ZFAND3: variants seen among roughly 807,000 people sequenced by gnomAD.
ZFAND3 encodes AN1-type zinc finger protein 3.
Under a neutral mutation model 29.6 loss-of-function variants are expected in ZFAND3, and 10 were observed. The observed-to-expected ratio is 0.34, with a 90% CI of 0.21 to 0.57. The LOEUF is 0.57. Ranked by LOEUF, ZFAND3 falls within the 20% of genes least tolerant of loss-of-function variation. The pLI is 0.86. For missense variants in ZFAND3, 230 were observed against 304.5 expected (o/e 0.76, Z 1.82); for synonymous variants, 128 against 112.6 (o/e 1.14, Z -0.87).
intron 2 of ZFAND3, among the ~76,000 whole-genome samples, chr6:38,016,120 A>G (rs1581841463): frequency 6.6e-6 from 1 of 152,190 alleles, no homozygotes; most frequent in Non-Finnish European, 1.5e-5. Context: ...TTCAGAACTT[A>G]GGTTTTGGAG....
intron 2 of ZFAND3, among the ~76,000 whole-genome samples, chr6:37,936,069 C>T (rs1286092022): frequency 6.6e-6 from 1 of 152,024 alleles, no homozygotes; most frequent in Non-Finnish European, 1.5e-5. Context: ...ATAGTTAGTA[C>T]CTAATTCATG....
At chr6:38,142,880 A>T (rs1765992400) in intron 5 of ZFAND3, 1 of 154,728 alleles carries the variant, frequency 6.5e-6, no homozygotes, top group Non-Finnish European at 1.4e-5. Flanking sequence ...ATTTTCTCTT[A>T]GTTTTTAAAT....
intron 2 of ZFAND3, among the ~76,000 whole-genome samples, chr6:37,983,343 CTTTTTTTTTT>C (rs70981516): frequency 3.2e-4 from 16 of 50,040 alleles, no homozygotes; most frequent in African/African-American, 9.7e-4. Context: ...CAGTTTTTAT[CTTTTTTTTTT>C]TTTTTTTTTT....
intron 1 of ZFAND3, among the ~76,000 whole-genome samples, chr6:37,883,633 C>T (rs1006428174): frequency 3.5e-5 from 5 of 143,774 alleles, no homozygotes; most frequent in Non-Finnish European, 7.4e-5. Context: ...ACCTCTGCCT[C>T]CTGGGTTCAA....
chr6:38,067,512 G>A (rs1440407059), intron 3 of ZFAND3, among the ~76,000 whole-genome samples: 6 of 152,206 alleles, frequency 3.9e-5, no homozygotes, highest in African/African-American at 1.4e-4. Flanking sequence ...GACATTGCAT[G>A]CAAATTAGGC....
At chr6:38,026,980 C>CT (rs1379163711) in intron 2 of ZFAND3, among the ~76,000 whole-genome samples, 6 of 152,074 alleles carry the variant, frequency 3.9e-5, no homozygotes, top group Admixed American at 6.5e-5. Flanking sequence ...GATTTACTGA[C>CT]TTTTTTTGGT....
intron 4 of ZFAND3, among the ~76,000 whole-genome samples, chr6:38,111,389 GT>G (rs1765313347): frequency 6.6e-6 from 1 of 152,114 alleles, no homozygotes; most frequent in African/African-American, 2.4e-5. Context: ...TGTTTATATT[GT>G]ATTAGGGATT....
chr6:38,051,133 C>T (rs1240640261), intron 2 of ZFAND3, among the ~76,000 whole-genome samples: 1 of 152,082 alleles, frequency 6.6e-6, no homozygotes, highest in Non-Finnish European at 1.5e-5. Flanking sequence ...TGGGCAAGAG[C>T]AGTCCCACCA....
intron 1 of ZFAND3, among the ~76,000 whole-genome samples, chr6:37,852,522 C>T (rs780313523): frequency 2.0e-5 from 3 of 152,106 alleles, no homozygotes; most frequent in South Asian, 2.1e-4. Context: ...TCTCTATCAC[C>T]TCATGCACAT....
chr6:37,849,271 C>A (rs963563535), intron 1 of ZFAND3, among the ~76,000 whole-genome samples: 6 of 152,062 alleles, frequency 3.9e-5, no homozygotes, highest in Non-Finnish European at 8.8e-5. Flanking sequence ...TTGTTCTATT[C>A]AATTTTTCTT....
intron 3 of ZFAND3, among the ~76,000 whole-genome samples, chr6:38,080,128 G>A (rs1024595768): frequency 2.0e-5 from 3 of 151,610 alleles, no homozygotes; most frequent in Admixed American, 6.6e-5. Flanking sequence ...GACACAGAGA[G>A]GGGAACATCA....
At chr6:38,056,834 C>T (rs1432511260) in intron 2 of ZFAND3, among the ~76,000 whole-genome samples, 1 of 152,062 alleles carries the variant, frequency 6.6e-6, no homozygotes, top group Non-Finnish European at 1.5e-5. Flanking sequence ...ATTATTTTTC[C>T]CCTTAGATGA....
intron 2 of ZFAND3, among the ~76,000 whole-genome samples, chr6:38,002,294 T>TC (rs1315277168): frequency 6.6e-6 from 1 of 151,624 alleles, no homozygotes; most frequent in Non-Finnish European, 1.5e-5. Context: ...TCTTTTTTTT[T>TC]TTTTTTTAAA....
At chr6:37,988,844 G>T (rs1364226710) in intron 2 of ZFAND3, among the ~76,000 whole-genome samples, 1 of 152,098 alleles carries the variant, frequency 6.6e-6, no homozygotes, top group African/African-American at 2.4e-5. Flanking sequence ...AGCTTCCTGA[G>T]TGGTGTGCTT....
chr6:38,100,467 T>A (rs1033949045), intron 4 of ZFAND3, among the ~76,000 whole-genome samples: 2 of 152,204 alleles, frequency 1.3e-5, no homozygotes, highest in South Asian at 4.1e-4. Context: ...TAGGTTCTTA[T>A]TGGTGTTGGA....
At chr6:37,938,801 A>G (rs947023968) in intron 2 of ZFAND3, among the ~76,000 whole-genome samples, 1 of 152,224 alleles carries the variant, frequency 6.6e-6, no homozygotes, top group African/African-American at 2.4e-5. Context: ...TGTCAAAAAT[A>G]ATTGTTGCAT....
intron 4 of ZFAND3, among the ~76,000 whole-genome samples, chr6:38,106,785 C>G (rs765295033): frequency 2.6e-5 from 4 of 152,120 alleles, no homozygotes; most frequent in Non-Finnish European, 5.9e-5. Context: ...TGATTTGTTA[C>G]TTCAAAGCCC....
At chr6:37,906,638 C>T (rs1191506367) in intron 1 of ZFAND3, among the ~76,000 whole-genome samples, 2 of 151,740 alleles carry the variant, frequency 1.3e-5, no homozygotes, top group Non-Finnish European at 2.9e-5. Flanking sequence ...CACCATTTTA[C>T]ACTCCATTAG....
chr6:37,851,882 A>G (rs1764287982), intron 1 of ZFAND3, among the ~76,000 whole-genome samples: 1 of 152,206 alleles, frequency 6.6e-6, no homozygotes, highest in Non-Finnish European at 1.5e-5. Context: ...CAGTAGCTCA[A>G]TTTCTGTTGT....
Sources: allele counts gnomAD v4.1 joint callset (sites outside exome capture counted in the v4.1 genomes callset), GRCh38; gene constraint gnomAD v4.1.1; transcripts MANE v1.5; gene names NCBI Gene and HGNC (gene_info 2026-07-23, HGNC 2026-07-21).